OSBPL10: variants seen among roughly 807,000 people sequenced by gnomAD.
The protein encoded by OSBPL10 is oxysterol binding protein like 10, also known as oxysterol-binding protein-related protein 10.
In OSBPL10, 49 loss-of-function variants were observed where a neutral mutation model predicts 81.7. That is an observed-to-expected ratio of 0.60 (90% confidence interval 0.48 to 0.76). OSBPL10 has a LOEUF of 0.76. Among genes scored for constraint, OSBPL10 ranks in the 30% least tolerant of loss-of-function variants. The pLI is 0.00. For synonymous variants in OSBPL10, 419 were observed against 383.6 expected, an observed-to-expected ratio of 1.09 and a Z score of -1.08; for missense variants, 923 against 987.8, an observed-to-expected ratio of 0.93 and a Z score of 0.88.
At chr3:31,888,966 A>T (rs950396988) in intron 1 of OSBPL10, among the ~76,000 whole-genome samples, 1 of 152,160 alleles carries the variant, frequency 6.6e-6, no homozygotes, top group Non-Finnish European at 1.5e-5. Flanking sequence ...TTTAAAAATA[A>T]TCTGATTTTA....
At chr3:32,054,342 T>C (rs1699690733) in intron 1 of OSBPL10, among the ~76,000 whole-genome samples, 1 of 152,188 alleles carries the variant, frequency 6.6e-6, no homozygotes, top group Admixed American at 6.5e-5. Flanking sequence ...GGAAGCATTG[T>C]CAAATATGAA....
At chr3:31,928,715 G>T (rs184567498) in intron 1 of OSBPL10, among the ~76,000 whole-genome samples, 6 of 147,124 alleles carry the variant, frequency 4.1e-5, no homozygotes, top group African/African-American at 1.5e-4. Flanking sequence ...GGGAGACAGA[G>T]GTTGCCGCCA....
At chr3:31,773,980 G>A (rs1427073438) in intron 4 of OSBPL10, among the ~76,000 whole-genome samples, 13 of 152,074 alleles carry the variant, frequency 8.5e-5, no homozygotes, top group African/African-American at 3.1e-4. Context: ...TGACCAACAT[G>A]GTGAAACCCC....
At chr3:32,043,239 C>G (rs1202852602) in intron 2 of OSBPL10, among the ~76,000 whole-genome samples, 1 of 152,094 alleles carries the variant, frequency 6.6e-6, no homozygotes, top group Non-Finnish European at 1.5e-5. Flanking sequence ...CGATATCTTC[C>G]CTACTTGCAC....
At chr3:31,935,058 A>G (rs1009996280) in intron 1 of OSBPL10, among the ~76,000 whole-genome samples, 1 of 152,174 alleles carries the variant, frequency 6.6e-6, no homozygotes, top group African/African-American at 2.4e-5. Context: ...TTCATACAGG[A>G]AGGTGGGAAG....
At chr3:31,972,178 C>T (rs1357586407) in intron 1 of OSBPL10, among the ~76,000 whole-genome samples, 2 of 152,196 alleles carry the variant, frequency 1.3e-5, no homozygotes, top group African/African-American at 2.4e-5. Context: ...CACCTGAGGT[C>T]AGGAGATCAA....
chr3:31,672,675 C>A (rs1213386834), intron 8 of OSBPL10, among the ~76,000 whole-genome samples: 1 of 152,166 alleles, frequency 6.6e-6, no homozygotes, highest in East Asian at 1.9e-4. Context: ...AGCAACATCA[C>A]TCTCAGTTCT....
At chr3:31,896,629 C>T (rs1696066307) in intron 1 of OSBPL10, among the ~76,000 whole-genome samples, 1 of 152,210 alleles carries the variant, frequency 6.6e-6, no homozygotes, top group Non-Finnish European at 1.5e-5. Flanking sequence ...CAAGGAGGCT[C>T]CTCTAGCTGG....
Position 31,691,972 on chromosome 3 carries a change from T to G in OSBPL10, c.1246-7858A>C, listed in dbSNP as rs1695570035. On this transcript the variant is annotated intron_variant, in intron 7 of 11. Transcript: ENST00000396556. ...TGACTTAGCCAACCTTTTCCCTAGG[T>G]TTCCTTAACCTGCCAGGTTCCCTCA... 3.9e-5 allele frequency among the ~76,000 whole-genome samples: 6 copies of G among 152,194 alleles called. No homozygotes were observed. The South Asian group carries it at 1.2e-3, about 32-fold the overall frequency.
rs1699715780 is a variant in OSBPL10, at chr3:31,812,719, AAAGAAAGAAAGAAAGAAAGAAAGAAAG to A, written c.729+17294_729+17320del. Among the ~76,000 whole-genome samples the A allele has an allele frequency of 3.7e-4, 7 of 18,928 alleles. 1 individual carries two copies. Among genetic ancestry groups the A allele is most frequent in the African/African-American group, 5.8e-4 (5 of 8,572 alleles). 12.4% of individuals were successfully genotyped at this position (18,928 alleles called of 152,430 possible). ...GAATCTCTACACAGTAGGCAAAAAA[AAAGAAAGAAAGAAAGAAAGAAAGAAAG>A]AAAGAAAGAAAGAAAGAAAGAAAGA... On this transcript the variant is annotated intron_variant, in intron 4 of 11. Transcript: ENST00000396556.
intron 4 of OSBPL10, among the ~76,000 whole-genome samples, chr3:31,787,649 G>C (rs973994719): frequency 6.6e-6 from 1 of 151,404 alleles, no homozygotes; most frequent in South Asian, 2.1e-4. Context: ...CTTTGGGAAG[G>C]ATTAGCCAGC....
At position 31,748,089 on chromosome 3, in the gene OSBPL10, T is replaced by C; in HGVS notation, c.761A>G (p.Asn254Ser). 1.2e-6 allele frequency: 2 copies of C among 1,613,974 alleles called. No individual in the cohort carries two copies. The highest frequency in any genetic ancestry group is 2.2e-5 in the South Asian group (2 of 91,048). The change falls in exon 5 of 12, where the codon AAC (asparagine) becomes AGC (serine). Residue 254 changes from asparagine (N) to serine (S), a missense_variant. Transcript: ENST00000396556. ...MMNQVEGQQK[N>S]LVHAIESLPG... ...CAGGGACTCAATGGCGTGCACAAGG[T>C]TCTTCTGCTGCCCTTCCACCTGGTT... is the stretch of plus-strand genomic sequence containing the variant.
chr3:31,975,263 C>T (rs568058324), intron 1 of OSBPL10, among the ~76,000 whole-genome samples: 7 of 152,296 alleles, frequency 4.6e-5, no homozygotes, highest in African/African-American at 4.8e-5. Context: ...GGCCTCAAAA[C>T]ACTCTGGCAG....
intron 1 of OSBPL10, among the ~76,000 whole-genome samples, chr3:31,920,841 C>A (rs4453879): frequency 0.18 from 28,005 of 152,040 alleles, 3,176 homozygotes; most frequent in East Asian, 0.37. Context: ...TGTTCCCTCT[C>A]TCACCATGTG....
intron 1 of OSBPL10, among the ~76,000 whole-genome samples, chr3:31,924,638 T>C (rs1293115414): frequency 6.6e-6 from 1 of 152,172 alleles, no homozygotes; most frequent in Non-Finnish European, 1.5e-5. Flanking sequence ...TTGAGTGACT[T>C]GACTTGAATA....
chr3:31,825,111 G>A (rs1019627898), intron 4 of OSBPL10, among the ~76,000 whole-genome samples: 1 of 152,084 alleles, frequency 6.6e-6, no homozygotes, highest in Non-Finnish European at 1.5e-5. Context: ...TTTATCCTAT[G>A]GACAGTGGGG....
At chr3:31,727,146 T>C (rs2125651560) in intron 6 of OSBPL10, among the ~76,000 whole-genome samples, 1 of 152,290 alleles carries the variant, frequency 6.6e-6, no homozygotes, top group Middle Eastern at 3.4e-3. Context: ...AATTTATTAC[T>C]ATTTGAGCTA....
chr3:31,695,795 T>C (rs574182426), intron 7 of OSBPL10, among the ~76,000 whole-genome samples: 1 of 152,178 alleles, frequency 6.6e-6, no homozygotes, highest in Non-Finnish European at 1.5e-5. Context: ...AAACCTCTAA[T>C]AACCCTTTGC....
intron 2 of OSBPL10, among the ~76,000 whole-genome samples, chr3:31,998,775 A>G (rs1699116520): frequency 6.6e-6 from 1 of 152,068 alleles, no homozygotes; most frequent in African/African-American, 2.4e-5. Flanking sequence ...ATCCACGTCT[A>G]TTGGTTTTTC....
Sources: allele counts gnomAD v4.1 joint callset (sites outside exome capture counted in the v4.1 genomes callset), GRCh38; gene constraint gnomAD v4.1.1; transcripts MANE v1.5; gene names NCBI Gene and HGNC (gene_info 2026-07-23, HGNC 2026-07-21).